Variants in PALM2AKAP2 observed in about 807,000 individuals in gnomAD.
PALM2AKAP2 encodes PALM2-AKAP2 fusion protein.
PALM2AKAP2 carries 37 observed loss-of-function variants against 71.5 expected under a neutral mutation model. That is an observed-to-expected ratio of 0.52 (90% CI 0.40 to 0.68). PALM2AKAP2 has a LOEUF of 0.68. Among genes scored for constraint, PALM2AKAP2 ranks in the 30% least tolerant of loss-of-function variants. PALM2AKAP2 has a pLI of 0.00. For missense variants in PALM2AKAP2, 1,224 were observed against 1,191.8 expected (o/e 1.03, Z -0.40); for synonymous variants, 468 against 478.8 (o/e 0.98, Z 0.29).
upstream of PALM2AKAP2, among the ~76,000 whole-genome samples, chr9:109,779,587 C>A (rs1829400881): frequency 6.6e-6 from 1 of 152,196 alleles, no homozygotes; most frequent in South Asian, 2.1e-4. Flanking sequence ...GATTTCACAG[C>A]TAACACATTG....
chr9:109,857,680 CTG>C (rs1272612574), intron 1 of PALM2AKAP2, among the ~76,000 whole-genome samples: 1 of 152,164 alleles, frequency 6.6e-6, no homozygotes, highest in Non-Finnish European at 1.5e-5. Flanking sequence ...TGGAGTGAGA[CTG>C]TTTAAGTTTC....
At chr9:109,865,322 C>T (rs1044063986) in intron 1 of PALM2AKAP2, among the ~76,000 whole-genome samples, 1 of 152,038 alleles carries the variant, frequency 6.6e-6, no homozygotes, top group Non-Finnish European at 1.5e-5. Context: ...TAGTCTCAAA[C>T]TCGTGACCTC....
chr9:109,659,084 G>T (rs1368476859), intron 1 of PALM2AKAP2, among the ~76,000 whole-genome samples: 1 of 152,116 alleles, frequency 6.6e-6, no homozygotes, highest in Non-Finnish European at 1.5e-5. Context: ...TCATCATTAT[G>T]TCCACCTCCA....
chr9:109,848,486 C>G (rs1423207876), intron 1 of PALM2AKAP2, among the ~76,000 whole-genome samples: 2 of 152,232 alleles, frequency 1.3e-5, no homozygotes, highest in Non-Finnish European at 2.9e-5. Context: ...CCACTTCCAA[C>G]ACACACCCAC....
At chr9:109,990,004 A>G (rs1832445905) in intron 6 of PALM2AKAP2, among the ~76,000 whole-genome samples, 1 of 152,106 alleles carries the variant, frequency 6.6e-6, no homozygotes, top group Non-Finnish European at 1.5e-5. Context: ...TTCGGGAATA[A>G]CAAACTCCTT....
chr9:110,004,398 A>C (rs1025440482), intron 6 of PALM2AKAP2, among the ~76,000 whole-genome samples: 2 of 152,202 alleles, frequency 1.3e-5, no homozygotes, highest in Admixed American at 1.3e-4. Context: ...CTGAGAGATC[A>C]ACTGTTAGTC....
chr9:110,088,800 A>G (rs181619588), intron 1 of PALM2AKAP2, among the ~76,000 whole-genome samples: 1 of 135,576 alleles, frequency 7.4e-6, no homozygotes, highest in African/African-American at 2.7e-5. Flanking sequence ...GTTCACTGCA[A>G]CCTCCGCCTC....
At chr9:109,847,929 C>T (rs1368410930) in intron 1 of PALM2AKAP2, among the ~76,000 whole-genome samples, 1 of 152,158 alleles carries the variant, frequency 6.6e-6, no homozygotes, top group Admixed American at 6.5e-5. Flanking sequence ...CCACCTTTTA[C>T]AGAAAAATTA....
chr9:110,025,494 G>T, intron 7 of PALM2AKAP2: 1 of 606,886 alleles, frequency 1.6e-6, no homozygotes, highest in Non-Finnish European at 2.9e-6. Context: ...TTGCTGCTTT[G>T]GATAGTCACA....
intron 1 of PALM2AKAP2, among the ~76,000 whole-genome samples, chr9:109,831,142 TACAC>T (rs111681992): frequency 0.1 from 13,598 of 134,862 alleles, 1,296 homozygotes; most frequent in African/African-American, 0.26. Context: ...ATACTTCCCC[TACAC>T]ACACACACAC....
intron 1 of PALM2AKAP2, among the ~76,000 whole-genome samples, chr9:109,730,188 G>C (rs1457495633): frequency 6.6e-6 from 1 of 152,190 alleles, no homozygotes; most frequent in Non-Finnish European, 1.5e-5. Flanking sequence ...CAAGGGAATG[G>C]AGACATGGAT....
chr9:109,711,163 TA>T (rs11448146), intron 1 of PALM2AKAP2, among the ~76,000 whole-genome samples: 16 of 150,410 alleles, frequency 1.1e-4, no homozygotes, highest in East Asian at 3.9e-4. Context: ...GTTCTTAATT[TA>T]AAAAAAAAAT....
chr9:110,065,605 T>G (rs984953206), intron 1 of PALM2AKAP2, among the ~76,000 whole-genome samples: 1 of 152,238 alleles, frequency 6.6e-6, no homozygotes, highest in Non-Finnish European at 1.5e-5. Flanking sequence ...TTTGTGGTAT[T>G]AAGTACATTC....
intron 1 of PALM2AKAP2, among the ~76,000 whole-genome samples, chr9:110,068,518 T>TA (rs1298287749): frequency 0.027 from 3,809 of 139,814 alleles, 310 homozygotes; most frequent in African/African-American, 0.087. Flanking sequence ...GGAGCTTTTT[T>TA]AAAAAAAAAA....
intron 1 of PALM2AKAP2, among the ~76,000 whole-genome samples, chr9:109,774,521 T>C (rs1234273238): frequency 6.6e-6 from 1 of 152,222 alleles, no homozygotes; most frequent in African/African-American, 2.4e-5. Flanking sequence ...ACTGTAGATG[T>C]CTAAGAATCA....
chr9:109,964,818 G>C (rs1471355971), intron 6 of PALM2AKAP2, among the ~76,000 whole-genome samples: 1 of 152,162 alleles, frequency 6.6e-6, no homozygotes, highest in Non-Finnish European at 1.5e-5. Context: ...AGCTTCCCTT[G>C]GGTGTTACAG....
At chr9:109,901,767 G>C (rs1385628067) in intron 3 of PALM2AKAP2, among the ~76,000 whole-genome samples, 1 of 152,194 alleles carries the variant, frequency 6.6e-6, no homozygotes. Flanking sequence ...AGCTGGGCAG[G>C]CCACTCATTT....
At chr9:110,158,729 CTAAT>C (rs1836524329) in intron 3 of PALM2AKAP2, among the ~76,000 whole-genome samples, 1 of 152,200 alleles carries the variant, frequency 6.6e-6, no homozygotes, top group African/African-American at 2.4e-5. Flanking sequence ...AGAGACCTAA[CTAAT>C]TAAGCTGTTA....
intron 1 of PALM2AKAP2, among the ~76,000 whole-genome samples, chr9:110,068,648 C>T (rs554273965): frequency 6.6e-6 from 1 of 152,084 alleles, no homozygotes; most frequent in African/African-American, 2.4e-5. Flanking sequence ...CCTCCCACCT[C>T]AGCCTCCCGA....
Sources: allele counts gnomAD v4.1 joint callset (sites outside exome capture counted in the v4.1 genomes callset), GRCh38; gene constraint gnomAD v4.1.1; transcripts MANE v1.5; gene names NCBI Gene and HGNC (gene_info 2026-07-23, HGNC 2026-07-21).